The following DOCK4 variants were observed in gnomAD, a reference collection of about 807,000 sequenced individuals.
DOCK4 encodes dedicator of cytokinesis protein 4.
DOCK4 carries 97 observed loss-of-function variants against 268.1 expected under a neutral mutation model. The observed-to-expected ratio is 0.36, with a 90% CI of 0.31 to 0.43. DOCK4 has a LOEUF of 0.43. DOCK4 is among the 20% of genes least tolerant of loss of function. The pLI is 1.00. For synonymous variants in DOCK4, 954 were observed against 887.2 expected (o/e 1.08, Z -1.34); for missense variants, 2,145 against 2,455.7 (o/e 0.87, Z 2.67).
rs185177598 is a variant in DOCK4, at chr7:111,939,254, G to A, written c.977+856C>T. Among the ~76,000 whole-genome samples, 7 of 152,174 alleles carry A rather than the reference G, an allele frequency of 4.6e-5. No individual in the cohort carries two copies. In the South Asian group the frequency reaches 8.3e-4, roughly 18 times the overall value. Reference sequence around the variant, plus strand: ...TTATGGGCTGGGGGTGGTGGCTCACGCCTGTAATCCCAGCACTTTGGGAGG... The same window carrying A: ...TTATGGGCTGGGGGTGGTGGCTCACACCTGTAATCCCAGCACTTTGGGAGG... On this transcript the variant is annotated intron_variant, in intron 11 of 52. Coordinates refer to ENST00000428084, the MANE Select transcript of DOCK4 (RefSeq NM_001363540.2).
intron 12 of DOCK4, among the ~76,000 whole-genome samples, chr7:111,922,220 A>G (rs1385126003): frequency 6.6e-6 from 1 of 152,142 alleles, no homozygotes; most frequent in African/African-American, 2.4e-5. Context: ...TTATATTGCT[A>G]TCTTATTTTG....
At chr7:112,150,835 C>T (rs1815989915) in intron 1 of DOCK4, among the ~76,000 whole-genome samples, 2 of 152,166 alleles carry the variant, frequency 1.3e-5, no homozygotes, top group Admixed American at 1.3e-4. Context: ...ATTTCCTACC[C>T]ACATTCTTGG....
At chr7:111,792,077 T>C (rs763076245) in intron 30 of DOCK4, among the ~76,000 whole-genome samples, 12 of 152,232 alleles carry the variant, frequency 7.9e-5, no homozygotes, top group Admixed American at 7.2e-4. Context: ...GATGATTTCA[T>C]GTAGCAGGTG....
At chr7:111,952,172 C>T (rs1796107670) in intron 8 of DOCK4, among the ~76,000 whole-genome samples, 1 of 151,822 alleles carries the variant, frequency 6.6e-6, no homozygotes, top group Non-Finnish European at 1.5e-5. Context: ...CAAAAAGCCA[C>T]AACATATCTG....
chr7:112,170,278 T>C (rs572273052), intron 1 of DOCK4, among the ~76,000 whole-genome samples: 1 of 151,822 alleles, frequency 6.6e-6, no homozygotes, highest in South Asian at 2.1e-4. Flanking sequence ...TGGTAAGACC[T>C]CATCTCTACA....
At chr7:111,869,537 T>G in intron 21 of DOCK4, 37 bp downstream of exon 21, 1 of 1,588,678 alleles carries the variant, frequency 6.3e-7, no homozygotes, top group Non-Finnish European at 8.6e-7. Context: ...TGCAACAGCT[T>G]TGTTAGACTC....
intron 8 of DOCK4, among the ~76,000 whole-genome samples, chr7:111,949,595 A>C (rs963791008): frequency 9.2e-5 from 14 of 152,154 alleles, no homozygotes; most frequent in African/African-American, 3.4e-4. Flanking sequence ...TGGAGAAATA[A>C]GTCATGTACA....
At chr7:112,120,587 C>G (rs1586863150) in intron 1 of DOCK4, among the ~76,000 whole-genome samples, 2 of 152,196 alleles carry the variant, frequency 1.3e-5, no homozygotes, top group South Asian at 4.1e-4. Context: ...TTCTATAAAC[C>G]TGGTTTGACA....
At chr7:112,195,599 G>C (rs1313334097) in intron 1 of DOCK4, among the ~76,000 whole-genome samples, 1 of 151,942 alleles carries the variant, frequency 6.6e-6, no homozygotes, top group East Asian at 1.9e-4. Context: ...CCAGGATCTC[G>C]GTTGGGGCTA....
intron 43 of DOCK4, 143 bp downstream of exon 43, chr7:111,747,124 G>T: frequency 1.6e-6 from 1 of 639,232 alleles, no homozygotes. Context: ...CTGTATGTTT[G>T]CTCTATTTAA....
chr7:112,015,261 CAT>C (rs1478128158), intron 1 of DOCK4, among the ~76,000 whole-genome samples: 1 of 152,194 alleles, frequency 6.6e-6, no homozygotes, highest in Non-Finnish European at 1.5e-5. Context: ...ACAATTTACA[CAT>C]GTTATGGCAA....
chr7:112,105,685 C>CT lies in DOCK4; in HGVS notation c.37+100416dup, dbSNP rs752689972. ...CTCGTCATTCCACTTCCTCCTCTTCCTTTTTTTTTTTTTTTTTCTTCGAGG... is the reference window on the plus strand; with the variant it reads ...CTCGTCATTCCACTTCCTCCTCTTCCTTTTTTTTTTTTTTTTTTCTTCGAGG... On this transcript the variant is annotated intron_variant, in intron 1 of 52. Coordinates refer to ENST00000428084, the MANE Select transcript of DOCK4 (RefSeq NM_001363540.2). 7.1e-3 allele frequency among the ~76,000 whole-genome samples: 958 copies of CT among 135,742 alleles called. 15 individuals are homozygous for CT. The highest frequency in any genetic ancestry group is 0.021 in the African/African-American group (777 of 36,816). The allele number at this position is 135,742 out of a possible 152,430, so 89.1% of individuals were successfully genotyped here. A position where few individuals can be genotyped will look rare whatever the true frequency, so the allele number is the denominator to read the frequency against.
intron 1 of DOCK4, among the ~76,000 whole-genome samples, chr7:112,103,521 C>G (rs1810870028): frequency 2.0e-5 from 3 of 152,176 alleles, no homozygotes; most frequent in Admixed American, 6.5e-5. Context: ...GATCCTGGCC[C>G]TTAAAATCAA....
intron 1 of DOCK4, among the ~76,000 whole-genome samples, chr7:112,154,356 CA>C (rs1463570395): frequency 6.6e-6 from 1 of 152,174 alleles, no homozygotes; most frequent in African/African-American, 2.4e-5. Flanking sequence ...CTGAGAATTA[CA>C]ATAACCACTG....
At chr7:112,106,763 C>T (rs1047051071) in intron 1 of DOCK4, among the ~76,000 whole-genome samples, 5 of 152,052 alleles carry the variant, frequency 3.3e-5, no homozygotes, top group Admixed American at 6.5e-5. Context: ...GATTCCTGTG[C>T]GGATTTAGGA....
chr7:111,749,842 C>CAACACTTAG (rs1796512353), intron 42 of DOCK4, among the ~76,000 whole-genome samples: 2 of 152,262 alleles, frequency 1.3e-5, no homozygotes, highest in South Asian at 4.1e-4. Flanking sequence ...GGAGAAGATG[C>CAACACTTAG]TGGGGAAATA....
intron 1 of DOCK4, among the ~76,000 whole-genome samples, chr7:112,075,601 A>G (rs2106912): frequency 0.52 from 79,039 of 152,080 alleles, 22,860 homozygotes; most frequent in African/African-American, 0.79. Flanking sequence ...CTCATTGGCA[A>G]CAAACAACAG....
chr7:112,117,313 T>A (rs1041331423), intron 1 of DOCK4, among the ~76,000 whole-genome samples: 10 of 152,250 alleles, frequency 6.6e-5, no homozygotes, highest in African/African-American at 2.4e-5. Flanking sequence ...TTCATAACCA[T>A]TGAACATGTG....
At chr7:111,918,469 A>G (rs1218951190) in intron 12 of DOCK4, among the ~76,000 whole-genome samples, 2 of 152,210 alleles carry the variant, frequency 1.3e-5, no homozygotes, top group East Asian at 3.9e-4. Flanking sequence ...GGATGATTTG[A>G]TGGAGACAAC....
Sources: gnomAD v4.1 joint callset for allele counts (sites outside exome capture counted in the v4.1 genomes callset) on GRCh38, gnomAD v4.1.1 for gene constraint, MANE v1.5 for transcripts, NCBI Gene and HGNC (gene_info 2026-07-23, HGNC 2026-07-21) for gene names.